MAPK10: variants seen among roughly 807,000 people sequenced by gnomAD.
The protein encoded by MAPK10 is JNK3 alpha protein kinase.
A neutral mutation model predicts 59.3 loss-of-function variants in MAPK10; 25 were observed. That is an observed-to-expected ratio of 0.42 (90% CI 0.31 to 0.59). The LOEUF (loss-of-function observed/expected upper bound fraction) is 0.59. MAPK10 is among the 20% of genes least tolerant of loss of function. The probability of loss-of-function intolerance (pLI) is 0.15; values close to 1 mark genes in which losing one functional copy is unlikely to be tolerated. For synonymous variants in MAPK10, 190 were observed against 200.5 expected, an observed-to-expected ratio of 0.95 and a Z score of 0.44; for missense variants, 351 against 568.9, an observed-to-expected ratio of 0.62 and a Z score of 3.90.
intron 9 of MAPK10, among the ~76,000 whole-genome samples, chr4:86,070,096 T>C (rs1344296834): frequency 6.6e-6 from 1 of 152,182 alleles, no homozygotes; most frequent in East Asian, 1.9e-4. Flanking sequence ...GATGCAATGG[T>C]TTACAAAAAG....
chr4:86,037,483 G>A (rs2040566602), intron 11 of MAPK10, among the ~76,000 whole-genome samples: 1 of 151,496 alleles, frequency 6.6e-6, no homozygotes, highest in Non-Finnish European at 1.5e-5. Flanking sequence ...TCACACCACT[G>A]CATTCCAGCC....
chr4:86,089,860 A>T (rs1407008051), intron 9 of MAPK10, among the ~76,000 whole-genome samples: 1 of 152,164 alleles, frequency 6.6e-6, no homozygotes, highest in Non-Finnish European at 1.5e-5. Context: ...CATGTTTCTC[A>T]GCAGGAAGCC....
intron 1 of MAPK10, among the ~76,000 whole-genome samples, chr4:86,496,282 A>T (rs1056978644): frequency 1.3e-5 from 2 of 152,194 alleles, no homozygotes; most frequent in Non-Finnish European, 2.9e-5. Context: ...AGTTTGCCTC[A>T]GCTACCACTA....
intron 1 of MAPK10, among the ~76,000 whole-genome samples, chr4:86,554,130 T>C (rs923453704): frequency 6.6e-6 from 1 of 152,044 alleles, no homozygotes; most frequent in African/African-American, 2.4e-5. Context: ...TGAACTGACA[T>C]GATTATAGGT....
chr4:86,529,796 G>C (rs1757731523), intron 1 of MAPK10, among the ~76,000 whole-genome samples: 1 of 152,090 alleles, frequency 6.6e-6, no homozygotes, highest in Non-Finnish European at 1.5e-5. Context: ...TATAAATTTA[G>C]AATATGGAAC....
chr4:86,533,231 G>C (rs975770078), intron 1 of MAPK10, among the ~76,000 whole-genome samples: 2 of 152,086 alleles, frequency 1.3e-5, no homozygotes, highest in African/African-American at 4.8e-5. Flanking sequence ...GTAAAACACT[G>C]GTTACGAGGG....
chr4:86,541,587 G>T (rs1040809617), intron 1 of MAPK10, among the ~76,000 whole-genome samples: 2 of 152,132 alleles, frequency 1.3e-5, no homozygotes, highest in African/African-American at 4.8e-5. Flanking sequence ...GAGTTGCACT[G>T]AACTAGTGAC....
intron 1 of MAPK10, among the ~76,000 whole-genome samples, chr4:86,403,219 C>T (rs769708405): frequency 5.3e-5 from 8 of 152,074 alleles, no homozygotes; most frequent in African/African-American, 1.9e-4. Flanking sequence ...TTTCACACTA[C>T]TATAAAGAAA....
At chr4:86,398,730 T>C (rs1039745888) in intron 1 of MAPK10, among the ~76,000 whole-genome samples, 3 of 152,140 alleles carry the variant, frequency 2.0e-5, no homozygotes, top group Non-Finnish European at 2.9e-5. Flanking sequence ...CAGCACCCAA[T>C]AGTTAGTTTT....
chr4:86,223,861 C>T (rs1210043347), intron 2 of MAPK10, among the ~76,000 whole-genome samples: 3 of 152,128 alleles, frequency 2.0e-5, no homozygotes. Flanking sequence ...CAGTCTTGGA[C>T]CTGCTTAGAA....
At chr4:86,425,747 C>A (rs960900255) in intron 1 of MAPK10, among the ~76,000 whole-genome samples, 1 of 152,154 alleles carries the variant, frequency 6.6e-6, no homozygotes, top group Non-Finnish European at 1.5e-5. Context: ...CCAAGGCAGG[C>A]GGATCACATG....
chr4:86,464,052 G>C (rs951048284), intron 1 of MAPK10, among the ~76,000 whole-genome samples: 1 of 151,980 alleles, frequency 6.6e-6, no homozygotes, highest in African/African-American at 2.4e-5. Context: ...AACTCAGATT[G>C]TTAAATTACA....
intron 1 of MAPK10, among the ~76,000 whole-genome samples, chr4:86,378,633 T>C (rs1023653048): frequency 6.6e-6 from 1 of 152,204 alleles, no homozygotes; most frequent in African/African-American, 2.4e-5. Flanking sequence ...ATGTAAAAAT[T>C]TGGTGAATGA....
intron 1 of MAPK10, among the ~76,000 whole-genome samples, chr4:86,580,327 C>T (rs183610501): frequency 2.6e-5 from 4 of 151,904 alleles, no homozygotes; most frequent in Non-Finnish European, 4.4e-5. Flanking sequence ...GGCAAAACCC[C>T]GCTCCTACTA....
At chr4:86,321,514 T>C (rs1208573851) in intron 2 of MAPK10, among the ~76,000 whole-genome samples, 1 of 145,278 alleles carries the variant, frequency 6.9e-6, no homozygotes, top group African/African-American at 2.6e-5. Context: ...ATATTCTCAC[T>C]CAAAGGTGGG....
intron 1 of MAPK10, among the ~76,000 whole-genome samples, chr4:86,581,257 T>TA (rs2149112442): frequency 6.6e-6 from 1 of 151,486 alleles, no homozygotes; most frequent in African/African-American, 2.4e-5. Context: ...TGTCTGAAAT[T>TA]TAAAAAAAAA....
chr4:86,360,177 G>A, upstream of MAPK10: 1 of 986,084 alleles, frequency 1.0e-6, no homozygotes, highest in Non-Finnish European at 1.2e-6. Context: ...GAAACAGAAA[G>A]AGGAAGCGTC....
At chr4:86,500,061 G>A (rs1478375356) in intron 1 of MAPK10, among the ~76,000 whole-genome samples, 5 of 152,126 alleles carry the variant, frequency 3.3e-5, no homozygotes, top group Admixed American at 1.3e-4. Flanking sequence ...ATTCCATCTT[G>A]CTGAATTCCT....
At chr4:86,087,022 T>C (rs2052028414) in intron 9 of MAPK10, among the ~76,000 whole-genome samples, 1 of 152,098 alleles carries the variant, frequency 6.6e-6, no homozygotes, top group Admixed American at 6.6e-5. Flanking sequence ...TATCCAAATA[T>C]CAAGGGCTTT....
Sources: gnomAD v4.1 joint callset for allele counts (sites outside exome capture counted in the v4.1 genomes callset) on GRCh38, gnomAD v4.1.1 for gene constraint, MANE v1.5 for transcripts, NCBI Gene and HGNC (gene_info 2026-07-23, HGNC 2026-07-21) for gene names.